AKAP7: variants seen among roughly 807,000 people sequenced by gnomAD.
The protein encoded by AKAP7 is A-kinase anchoring protein 7.
A neutral mutation model predicts 39.5 loss-of-function variants in AKAP7; 39 were observed. The ratio of observed to expected loss-of-function variants is 0.99; its 90% CI spans 0.76 to 1.29. AKAP7 has a LOEUF of 1.29. Among genes scored for constraint, AKAP7 ranks in the 50% most tolerant of loss-of-function variants. AKAP7 has a pLI of 0.00. For synonymous variants in AKAP7, 140 were observed against 139.1 expected (o/e 1.01, Z -0.05); for missense variants, 414 against 407.7 (o/e 1.02, Z -0.13).
intron 7 of AKAP7, among the ~76,000 whole-genome samples, chr6:131,237,301 G>A (rs1811155075): frequency 6.6e-6 from 1 of 152,110 alleles, no homozygotes; most frequent in Non-Finnish European, 1.5e-5. Context: ...TGCTGGATTC[G>A]GTTTGCCGGT....
At chr6:131,157,492 A>G (rs1802524602) in intron 2 of AKAP7, among the ~76,000 whole-genome samples, 1 of 152,220 alleles carries the variant, frequency 6.6e-6, no homozygotes, top group African/African-American at 2.4e-5. Flanking sequence ...CTTCATTAGC[A>G]TATTTTGTTA....
chr6:131,137,994 CT>C (rs1384006704), intron 1 of AKAP7, among the ~76,000 whole-genome samples: 2 of 151,882 alleles, frequency 1.3e-5, no homozygotes, highest in East Asian at 3.9e-4. Flanking sequence ...TCATTGCATT[CT>C]TCATAGTCAT....
At chr6:131,236,610 A>G (rs1811082677) in intron 7 of AKAP7, among the ~76,000 whole-genome samples, 1 of 152,170 alleles carries the variant, frequency 6.6e-6, no homozygotes, top group Non-Finnish European at 1.5e-5. Flanking sequence ...CTCCTTGAAG[A>G]GGTCCTTCAT....
upstream of AKAP7, among the ~76,000 whole-genome samples, chr6:131,134,619 T>A (rs1800408080): frequency 3.3e-5 from 5 of 152,228 alleles, no homozygotes; most frequent in Admixed American, 3.3e-4. Context: ...CTGGTTGTAC[T>A]TTCCTACCAG....
intron 7 of AKAP7, among the ~76,000 whole-genome samples, chr6:131,246,883 G>A (rs976683477): frequency 6.6e-6 from 1 of 152,124 alleles, no homozygotes; most frequent in Admixed American, 6.6e-5. Context: ...CACAAATTGT[G>A]TTTAATAATA....
intron 1 of AKAP7, among the ~76,000 whole-genome samples, chr6:131,138,589 C>T (rs1055246437): frequency 6.6e-6 from 1 of 152,198 alleles, no homozygotes; most frequent in Non-Finnish European, 1.5e-5. Flanking sequence ...AAAGGATTGC[C>T]TCCGTTTACA....
intron 1 of AKAP7, among the ~76,000 whole-genome samples, chr6:131,136,352 T>C (rs1800540485): frequency 6.6e-6 from 1 of 152,168 alleles, no homozygotes. Context: ...GGGTGGACTT[T>C]CGGTAAAAGG....
At chr6:131,253,980 G>C (rs1395892931) in intron 7 of AKAP7, among the ~76,000 whole-genome samples, 2 of 152,148 alleles carry the variant, frequency 1.3e-5, no homozygotes, top group Non-Finnish European at 2.9e-5. Flanking sequence ...CCTTTTCTGT[G>C]GATAGATACC....
At chr6:131,167,107 G>A (rs1803583345) in intron 4 of AKAP7, among the ~76,000 whole-genome samples, 1 of 152,040 alleles carries the variant, frequency 6.6e-6, no homozygotes, top group South Asian at 2.1e-4. Flanking sequence ...TACAACCTTT[G>A]GGTCTGAACT....
intron 7 of AKAP7, among the ~76,000 whole-genome samples, chr6:131,271,994 TTC>T (rs1814325422): frequency 6.6e-6 from 1 of 152,148 alleles, no homozygotes. Flanking sequence ...AGAGACTTGA[TTC>T]TTGTCACTGA....
chr6:131,147,230 T>G (rs1371729199), intron 2 of AKAP7, among the ~76,000 whole-genome samples: 1 of 152,184 alleles, frequency 6.6e-6, no homozygotes, highest in Non-Finnish European at 1.5e-5. Flanking sequence ...TGTTTAAAAA[T>G]TTTTTTAAAC....
At chr6:131,208,358 A>C (rs2128289168) in intron 6 of AKAP7, among the ~76,000 whole-genome samples, 1 of 152,384 alleles carries the variant, frequency 6.6e-6, no homozygotes, top group Middle Eastern at 3.4e-3. Context: ...TGTCTTTAAA[A>C]ATTGAGAAAC....
At chr6:131,179,109 C>T (rs1276269418) in intron 5 of AKAP7, among the ~76,000 whole-genome samples, 1 of 152,132 alleles carries the variant, frequency 6.6e-6, no homozygotes, top group Non-Finnish European at 1.5e-5. Flanking sequence ...TATCACTGTA[C>T]CCAGTGGGAT....
intron 7 of AKAP7, among the ~76,000 whole-genome samples, chr6:131,239,129 C>A (rs563858226): frequency 2.3e-4 from 35 of 152,240 alleles, no homozygotes; most frequent in African/African-American, 8.2e-4. Context: ...TCAGCATTTG[C>A]TTGTCTGTAA....
chr6:131,193,790 G>C (rs1345184528), intron 5 of AKAP7, among the ~76,000 whole-genome samples: 1 of 152,004 alleles, frequency 6.6e-6, no homozygotes, highest in Non-Finnish European at 1.5e-5. Flanking sequence ...GATTGTATGT[G>C]TCTAGGAATT....
chr6:131,188,394 T>A (rs1305102403), intron 5 of AKAP7, among the ~76,000 whole-genome samples: 1 of 152,194 alleles, frequency 6.6e-6, no homozygotes, highest in Non-Finnish European at 1.5e-5. Context: ...GAAAAGTGAT[T>A]TTAAAATTTT....
intron 2 of AKAP7, among the ~76,000 whole-genome samples, chr6:131,146,896 A>C (rs1801530156): frequency 6.6e-6 from 1 of 152,246 alleles, no homozygotes; most frequent in African/African-American, 2.4e-5. Context: ...ATTAAAACAC[A>C]CAACAGTCTT....
intron 7 of AKAP7, among the ~76,000 whole-genome samples, chr6:131,258,468 T>A (rs552247242): frequency 1.4e-4 from 21 of 152,286 alleles, no homozygotes; most frequent in Middle Eastern, 3.4e-3. Context: ...AAATTGGAAA[T>A]TACCTTAAGC....
At chr6:131,263,876 G>A (rs1813563466) in intron 7 of AKAP7, among the ~76,000 whole-genome samples, 1 of 152,158 alleles carries the variant, frequency 6.6e-6, no homozygotes, top group South Asian at 2.1e-4. Context: ...TGTGGTGTGT[G>A]CTTTGGGCTC....
Sources: gnomAD v4.1 joint callset for allele counts (sites outside exome capture counted in the v4.1 genomes callset) on GRCh38, gnomAD v4.1.1 for gene constraint, MANE v1.5 for transcripts, NCBI Gene and HGNC (gene_info 2026-07-23, HGNC 2026-07-21) for gene names.